The following HECW1 variants were observed in gnomAD, a reference collection of about 807,000 sequenced individuals.
The protein encoded by HECW1 is HECT, C2 and WW domain containing E3 ubiquitin protein ligase 1.
In HECW1, 61 loss-of-function variants were observed where a neutral mutation model predicts 182.3. The observed-to-expected ratio is 0.33, with a 90% confidence interval of 0.27 to 0.41. HECW1 has a LOEUF of 0.41. Among genes scored for constraint, HECW1 ranks in the 10% least tolerant of loss-of-function variants. The probability of loss-of-function intolerance (pLI) is 1.00; values close to 1 mark genes in which losing one functional copy is unlikely to be tolerated. For missense variants in HECW1, 1,739 were observed against 2,108.9 expected, an observed-to-expected ratio of 0.82 and a Z score of 3.44; for synonymous variants, 859 against 832.6, an observed-to-expected ratio of 1.03 and a Z score of -0.55.
chr7:43,505,572 G>A (rs963693538), intron 21 of HECW1, among the ~76,000 whole-genome samples: 7 of 152,148 alleles, frequency 4.6e-5, no homozygotes, highest in Admixed American at 1.3e-4. Context: ...CCTTGTTTTT[G>A]TACCACTTTG....
At chr7:43,214,792 G>T (rs1380503132) in intron 2 of HECW1, among the ~76,000 whole-genome samples, 1 of 152,248 alleles carries the variant, frequency 6.6e-6, no homozygotes. Flanking sequence ...CCCCCAGAGA[G>T]GGGCCAGCTC....
At chr7:43,171,384 A>G (rs1357343263) in intron 2 of HECW1, among the ~76,000 whole-genome samples, 1 of 152,198 alleles carries the variant, frequency 6.6e-6, no homozygotes, top group African/African-American at 2.4e-5. Context: ...TTTCCAGTCC[A>G]TAAGTCTGCT....
At chr7:43,530,237 C>T (rs978561298) in intron 24 of HECW1, among the ~76,000 whole-genome samples, 2 of 151,264 alleles carry the variant, frequency 1.3e-5, no homozygotes, top group African/African-American at 2.4e-5. Context: ...GGATTACAGG[C>T]ATGAGCCACC....
chr7:43,370,044 G>T (rs1452935713), intron 6 of HECW1, among the ~76,000 whole-genome samples: 1 of 152,162 alleles, frequency 6.6e-6, no homozygotes, highest in Admixed American at 6.6e-5. Context: ...CACAAAAGAT[G>T]TTCCATCAAG....
chr7:43,478,390 T>A (rs943202148), intron 16 of HECW1, among the ~76,000 whole-genome samples: 7 of 152,142 alleles, frequency 4.6e-5, no homozygotes, highest in African/African-American at 1.7e-4. Context: ...CACTCCAGCC[T>A]GGGTGACAGG....
chr7:43,127,560 C>G (rs1786413528), intron 2 of HECW1, among the ~76,000 whole-genome samples: 1 of 141,466 alleles, frequency 7.1e-6, no homozygotes, highest in South Asian at 2.2e-4. Flanking sequence ...AAACAAACAG[C>G]CTTCTTGCTG....
intron 2 of HECW1, among the ~76,000 whole-genome samples, chr7:43,137,347 G>C (rs903587583): frequency 3.3e-5 from 5 of 152,078 alleles, no homozygotes; most frequent in African/African-American, 1.2e-4. Flanking sequence ...CCAAGACCAT[G>C]ATTAAATGGT....
intron 2 of HECW1, among the ~76,000 whole-genome samples, chr7:43,184,902 G>A (rs1269287178): frequency 6.6e-6 from 1 of 152,042 alleles, no homozygotes; most frequent in Non-Finnish European, 1.5e-5. Flanking sequence ...AGGAACAGAT[G>A]AGGGGAGGTG....
chr7:43,435,796 G>A (rs1420242753), intron 8 of HECW1, among the ~76,000 whole-genome samples: 3 of 152,170 alleles, frequency 2.0e-5, no homozygotes, highest in Non-Finnish European at 4.4e-5. Flanking sequence ...AGCTCATCCT[G>A]ACTGCCACAA....
intron 2 of HECW1, among the ~76,000 whole-genome samples, chr7:43,143,604 C>T (rs977072361): frequency 1.3e-5 from 2 of 152,078 alleles, no homozygotes; most frequent in African/African-American, 4.8e-5. Flanking sequence ...CCTTTAGATG[C>T]CAGCTCTCAC....
chr7:43,426,203 A>G (rs992928877), intron 8 of HECW1, among the ~76,000 whole-genome samples: 4 of 152,216 alleles, frequency 2.6e-5, no homozygotes, highest in Admixed American at 6.5e-5. Context: ...ATCCTTTTAC[A>G]TCTGTTTATA....
intron 2 of HECW1, among the ~76,000 whole-genome samples, chr7:43,131,188 C>A (rs55765018): frequency 0.17 from 25,326 of 152,166 alleles, 2,407 homozygotes; most frequent in South Asian, 0.23. Context: ...ATTGCTTGAA[C>A]CCAGGAGCAG....
chr7:43,400,515 A>G (rs1393180662), intron 7 of HECW1, among the ~76,000 whole-genome samples: 3 of 152,224 alleles, frequency 2.0e-5, no homozygotes, highest in Admixed American at 6.5e-5. Flanking sequence ...GTCGAAGACT[A>G]TAATACTCAA....
intron 1 of HECW1, among the ~76,000 whole-genome samples, 197 bp downstream of exon 1, chr7:43,113,134 G>A (rs1784761323): frequency 6.6e-6 from 1 of 152,036 alleles, no homozygotes. Context: ...GGTCCGGGCC[G>A]GCATCCCCGG....
At chr7:43,372,946 T>C (rs944010705) in intron 6 of HECW1, among the ~76,000 whole-genome samples, 1 of 152,198 alleles carries the variant, frequency 6.6e-6, no homozygotes, top group Non-Finnish European at 1.5e-5. Context: ...CAGCCATTCC[T>C]ATGGGAATGA....
At chr7:43,285,556 T>A (rs1804535407) in intron 3 of HECW1, among the ~76,000 whole-genome samples, 1 of 152,094 alleles carries the variant, frequency 6.6e-6, no homozygotes, top group South Asian at 2.1e-4. Context: ...ACACCTATAA[T>A]CCCAGCACTT....
At chr7:43,470,150 C>G (rs2077959413) in intron 16 of HECW1, among the ~76,000 whole-genome samples, 1 of 152,166 alleles carries the variant, frequency 6.6e-6, no homozygotes. Flanking sequence ...GGATCTGCTC[C>G]CTGGGACCTT....
intron 6 of HECW1, among the ~76,000 whole-genome samples, chr7:43,386,827 G>A (rs371643109): frequency 1.3e-5 from 2 of 152,176 alleles, no homozygotes; most frequent in South Asian, 2.1e-4. Flanking sequence ...TCACCGCACT[G>A]TGCTTTTATT....
chr7:43,318,823 G>C (rs1809667074), intron 4 of HECW1, among the ~76,000 whole-genome samples: 1 of 152,246 alleles, frequency 6.6e-6, no homozygotes, highest in African/African-American at 2.4e-5. Context: ...GCCCTCAGGT[G>C]CCCTTGCCCA....
Sources: gnomAD v4.1 joint callset for allele counts (sites outside exome capture counted in the v4.1 genomes callset) on GRCh38, gnomAD v4.1.1 for gene constraint, MANE v1.5 for transcripts, NCBI Gene and HGNC (gene_info 2026-07-23, HGNC 2026-07-21) for gene names.